The following NRIP2 variants were observed in gnomAD, a reference collection of about 807,000 sequenced individuals.
NRIP2 encodes the protein nuclear receptor-interacting protein 2.
NRIP2 carries 27 observed loss-of-function variants against 34.1 expected under a neutral mutation model. The observed-to-expected ratio is 0.79, with a 90% confidence interval of 0.58 to 1.09. The LOEUF (loss-of-function observed/expected upper bound fraction) is 1.09, where lower values mean the gene tolerates loss of function less well. NRIP2 is among the 50% of genes least tolerant of loss of function. The probability of loss-of-function intolerance (pLI) is 0.00; values close to 1 mark genes in which losing one functional copy is unlikely to be tolerated. For synonymous variants in NRIP2, 145 were observed against 146.9 expected, an observed-to-expected ratio of 0.99 and a Z score of 0.09; for missense variants, 385 against 352.6, an observed-to-expected ratio of 1.09 and a Z score of -0.74.
chr12:2,830,680 G>T, intron 2 of NRIP2, 28 bp downstream of exon 2: 1 of 1,591,460 alleles, frequency 6.3e-7, no homozygotes, highest in African/African-American at 1.3e-5. Flanking sequence ...GGTTGTTAAT[G>T]AAAGTGTGTC....
rs1019836943 is a variant in NRIP2, at chr12:2,834,910, C to T, written c.74G>A (p.Arg25Lys). 1.9e-6 allele frequency: 3 copies of T among 1,613,732 alleles called. No individual in the cohort carries two copies. Among genetic ancestry groups the T allele is most frequent in the Non-Finnish European group, 2.5e-6 (3 of 1,179,918 alleles). Residue 25 changes from arginine (R) to lysine (K), a missense_variant, in exon 1 of 6, where the codon AGA becomes AAA. Arg to Lys is a conservative substitution (Grantham distance 26). Coordinates refer to ENST00000337508, the MANE Select transcript of NRIP2 (RefSeq NM_031474.3). Reference protein sequence around the residue: ...CWKESCSTGQRQAGRSREDSV... With the variant: ...CWKESCSTGQKQAGRSREDSV... The stretch of plus-strand genomic sequence containing the variant: ...GTCCTCTCTGCTTCTTCCTGCCTGT[C>T]TCTGTCCCGTGCTGCAGCTCTCTTT...
rs2097980231 is a variant in NRIP2 at position 2,828,294 on chromosome 12, C to A, written c.578+38G>T. On this transcript the variant is annotated intron_variant, in intron 3 of 5. Transcript: ENST00000337508. The stretch of plus-strand genomic sequence containing the variant: ...ATATTTTCATCACCCCAAAAAGAAA[C>A]CCTGTCCCCCACTTGCTTGTTTGGG... 1.9e-6 allele frequency: 3 copies of A among 1,569,106 alleles called. No homozygotes were observed. The East Asian group carries it at 6.7e-5, about 35-fold the overall frequency.
chr12:2,827,270 C>T lies in NRIP2; in HGVS notation c.783G>A (p.Leu261=), dbSNP rs1483205205. ...GCTCTGAGAACGGGGCTTTCAGCCGCAGCACTCCGTGCTCCAGGTCGATGC... is the reference window on the plus strand; with the variant it reads ...GCTCTGAGAACGGGGCTTTCAGCCGTAGCACTCCGTGCTCCAGGTCGATGC... ...KCCIDLEHGV[L]RLKAPFSELP... The change falls in exon 6 of 6, where the codon CTG becomes CTA. Residue 261 remains leucine, a synonymous_variant. Transcript: ENST00000337508. The surrounding 1 kb of genome is among the most constrained non-coding windows in gnomAD (Gnocchi z 4.0). 1.9e-6 allele frequency: 3 copies of T among 1,614,080 alleles called. No individual in the cohort carries two copies. Among genetic ancestry groups the T allele is most frequent in the Non-Finnish European group, 2.5e-6 (3 of 1,180,012 alleles).
In NRIP2 at chr12:2,827,591, G is replaced by A. The variant is rs4765997; in HGVS notation, c.753+34C>T. ...CTGTGCCTTCTACTACTTTTTCCCA[G>A]TGCTTTGGGTCAGGCCCTGAGTGGG... On this transcript the variant is annotated intron_variant, in intron 5 of 5. Transcript: ENST00000337508. The surrounding 1 kb of genome is among the most constrained non-coding windows in gnomAD (Gnocchi z 4.0). 17,009 of 1,613,762 alleles carry A rather than the reference G, an allele frequency of 0.011. 105 individuals are homozygous for A. Among genetic ancestry groups the A allele is most frequent in the South Asian group, 0.012 (1,088 of 91,024 alleles).
chr12:2,828,745 G>A (rs538497760), intron 2 of NRIP2, among the ~76,000 whole-genome samples: 6 of 152,304 alleles, frequency 3.9e-5, no homozygotes, highest in Non-Finnish European at 7.3e-5. Flanking sequence ...GGGAGGCTGA[G>A]GCAGGAGAAT....
intron 2 of NRIP2, chr12:2,830,439 CACTGA>C: frequency 3.4e-5 from 13 of 384,704 alleles, no homozygotes; most frequent in South Asian, 9.7e-5. Flanking sequence ...GTGTAGAGCA[CACTGA>C]GGAGTACTTA....
chr12:2,827,361 T>TC lies in NRIP2; in HGVS notation c.754-63dup. On this transcript the variant is annotated intron_variant, in intron 5 of 5. Transcript: ENST00000337508. The surrounding 1 kb of genome is among the most constrained non-coding windows in gnomAD (Gnocchi z 4.0). ...GCCCGCCACCTGCCTCCCGGCCTGC[T>TC]CCTTTTGTTCCCCCTCCCACTTCCC... 1 of 1,556,954 alleles carries TC rather than the reference T, an allele frequency of 6.4e-7. No homozygotes were observed. Among genetic ancestry groups the TC allele is most frequent in the East Asian group, 2.3e-5 (1 of 42,916 alleles).
intron 1 of NRIP2, among the ~76,000 whole-genome samples, chr12:2,831,549 ACT>A (rs1188299903): frequency 6.6e-6 from 1 of 151,674 alleles, no homozygotes; most frequent in Non-Finnish European, 1.5e-5. Flanking sequence ...ACACCACTGC[ACT>A]CCAGTCTGGT....
Position 2,830,695 on chromosome 12 carries a change from G to A in NRIP2, c.495+13C>T, listed in dbSNP as rs1244885342. On this transcript the variant is annotated intron_variant, in intron 2 of 5. Transcript: ENST00000337508. ...GGTTGTTAATGAAAGTGTGTCCCTGGGAGGCCTCTCACCTTGCAGTTGACC... is the reference window on the plus strand; with the variant it reads ...GGTTGTTAATGAAAGTGTGTCCCTGAGAGGCCTCTCACCTTGCAGTTGACC... The A allele has an allele frequency of 3.7e-6, 6 of 1,603,550 alleles. No homozygotes were observed. The highest frequency in any genetic ancestry group is 5.1e-6 in the Non-Finnish European group (6 of 1,175,336).
chr12:2,830,950 T>TCCCCCCCCCCCCCCCCCCC (rs544510879), intron 1 of NRIP2, 90 bp from the exon 2 acceptor site: 1 of 1,383,864 alleles, frequency 7.2e-7, no homozygotes, highest in African/African-American at 1.5e-5. Context: ...CCCAGGATGC[T>TCCCCCCCCCCCCCCCCCCC]CCCCCCACCC....
chr12:2,834,572 T>A, intron 1 of NRIP2, 70 bp downstream of exon 1: 1 of 1,515,484 alleles, frequency 6.6e-7, no homozygotes, highest in Non-Finnish European at 8.8e-7. Context: ...TGGTCCTGCC[T>A]CCTGCTCAGG....
Position 2,826,984 on chromosome 12 carries a change from T to C in NRIP2, c.*223A>G, listed in dbSNP as rs1281326202. The C allele has an allele frequency of 1.5e-6, 2 of 1,365,068 alleles. No individual in the cohort carries two copies. The highest frequency in any genetic ancestry group is 6.0e-5 in the East Asian group (2 of 33,430). 84.6% of individuals were successfully genotyped at this position (1,365,068 alleles called of 1,614,324 possible). A position where few individuals can be genotyped will look rare whatever the true frequency, so the allele number is the denominator to read the frequency against. ...AGGAAGATGAATCAGAATCCTGGCA[T>C]CGTGGGCCCTCTAGTGAAAACTCGT... is the stretch of plus-strand genomic sequence containing the variant. On this transcript the variant is annotated 3_prime_UTR_variant, in exon 6 of 6. Transcript: ENST00000337508.
At position 2,827,161 on chromosome 12, in the gene NRIP2, C is replaced by A. The variant is rs190438624; in HGVS notation, c.*46G>T. The A allele has an allele frequency of 1.3e-5, 21 of 1,613,234 alleles. No individual in the cohort carries two copies. The African/African-American group carries it at 2.3e-4, about 17-fold the overall frequency. On this transcript the variant is annotated 3_prime_UTR_variant, in exon 6 of 6. Transcript: ENST00000337508. This position sits in a 1 kb window ranked among gnomAD's most constrained non-coding sequence, Gnocchi z 4.0. ...AGCCCCCGTTCCCCACACGCCTCTT[C>A]TTCTAAGGCAAGGTCTTTCCCTCTG...
rs150190215 is a variant in NRIP2 at position 2,827,940 on chromosome 12, G to A, written c.686C>T (p.Ser229Leu). 3.0e-5 allele frequency: 48 copies of A among 1,614,114 alleles called. No homozygotes were observed. The highest frequency in any genetic ancestry group is 6.7e-5 in the African/African-American group (5 of 75,058). The change falls in exon 4 of 6, where the codon TCG becomes TTG. Residue 229 changes from serine (S) to leucine (L), a missense_variant. Coordinates refer to ENST00000337508, the MANE Select transcript of NRIP2 (RefSeq NM_031474.3). This position sits in a 1 kb window ranked among gnomAD's most constrained non-coding sequence, Gnocchi z 4.0. Reference protein sequence around the residue: ...LQLGQETVVCSAQVVDAESPE... With the variant: ...LQLGQETVVCLAQVVDAESPE... ...GGGGGACTTACCCACCACCTGTGCC[G>A]AGCACACCACAGTCTCCTGCCCCAG...
chr12:2,833,202 C>G (rs557942306), intron 1 of NRIP2, among the ~76,000 whole-genome samples: 5 of 151,960 alleles, frequency 3.3e-5, no homozygotes, highest in Non-Finnish European at 5.9e-5. Context: ...CCTGCCACTC[C>G]GGGATGGCAA....
chr12:2,830,639 A>G (rs2097996643), intron 2 of NRIP2, 69 bp downstream of exon 2: 3 of 1,506,224 alleles, frequency 2.0e-6, no homozygotes, highest in South Asian at 2.6e-5. Flanking sequence ...GGCAGAGCAG[A>G]AAGGAGAGCA....
chr12:2,834,845 G>C lies in NRIP2; in HGVS notation c.139C>G (p.Pro47Ala). 1 of 1,613,734 alleles carries C rather than the reference G, an allele frequency of 6.2e-7. No individual in the cohort carries two copies. The highest frequency in any genetic ancestry group is 8.5e-7 in the Non-Finnish European group (1 of 1,179,956). Residue 47 changes from proline (P) to alanine (A), a missense_variant, in exon 1 of 6, where the codon CCA becomes GCA. Physicochemically the swap from Pro to Ala is conservative, Grantham distance 27. Transcript: ENST00000337508. Reference protein sequence around the residue: ...PPPSSPWPTPPAGAMSTKQEA... With the variant: ...PPPSSPWPTPAAGAMSTKQEA... ...TGCTTGGTGCTCATGGCCCCTGCTG[G>C]AGGAGTGGGCCAGGGGCTGCTCGGT...
rs2097968665 is a variant in NRIP2 at position 2,826,645 on chromosome 12, T to A, written c.*562A>T. The A allele has an allele frequency of 6.3e-6, 1 of 157,674 alleles. No homozygotes were observed. Among genetic ancestry groups the A allele is most frequent in the Non-Finnish European group, 1.4e-5 (1 of 72,226 alleles). The allele number at this position is 157,674 out of a possible 1,614,324, so 9.8% of individuals were successfully genotyped here. On this transcript the variant is annotated 3_prime_UTR_variant, in exon 6 of 6. Coordinates refer to ENST00000337508, the MANE Select transcript of NRIP2 (RefSeq NM_031474.3). Reference sequence around the variant, plus strand: ...TGGACATTCCTATACTAACTCCCGCTCTTTGTTGTATTGAATTCTGGCTGT... The same window carrying A: ...TGGACATTCCTATACTAACTCCCGCACTTTGTTGTATTGAATTCTGGCTGT...
Position 2,830,604 on chromosome 12 carries a change from T to C in NRIP2, c.495+104A>G, listed in dbSNP as rs1428095789. ...CCAGGCTAGGGAGAGAGGTGCCCTT[T>C]CTCCCTCCCTCCCTCTCCCATCAGG... On this transcript the variant is annotated intron_variant, in intron 2 of 5. Transcript: ENST00000337508. 3.2e-5 allele frequency: 41 copies of C among 1,273,034 alleles called. No individual in the cohort carries two copies. In the East Asian group the frequency reaches 6.3e-4, roughly 19 times the overall value. The allele number at this position is 1,273,034 out of a possible 1,614,324, so 78.9% of individuals were successfully genotyped here. A position where few individuals can be genotyped will look rare whatever the true frequency, so the allele number is the denominator to read the frequency against.
Sources: allele counts gnomAD v4.1 joint callset (sites outside exome capture counted in the v4.1 genomes callset), GRCh38; gene constraint gnomAD v4.1.1; non-coding constraint Gnocchi (gnomAD v3.1); transcripts MANE v1.5; gene names NCBI Gene and HGNC (gene_info 2026-07-23, HGNC 2026-07-21).